The following EML6 variants were observed in gnomAD, a reference collection of about 807,000 sequenced individuals.
EML6 encodes EMAP like 6, also known as echinoderm microtubule-associated protein-like 6.
A neutral mutation model predicts 240.1 loss-of-function variants in EML6; 154 were observed. That is an observed-to-expected ratio of 0.64 (90% CI 0.56 to 0.73). EML6 has a LOEUF of 0.73. EML6 is among the 30% of genes least tolerant of loss of function. EML6 has a pLI of 0.00. For missense variants in EML6, 2,964 were observed against 2,474.6 expected (o/e 1.20, Z -4.20); for synonymous variants, 1,148 against 899.0 (o/e 1.28, Z -4.95).
intron 26 of EML6, among the ~76,000 whole-genome samples, chr2:54,922,473 G>T (rs914426769): frequency 2.0e-5 from 3 of 152,096 alleles, no homozygotes; most frequent in African/African-American, 7.2e-5. Flanking sequence ...CAGTCATTAT[G>T]GAAAACGATA....
Position 54,930,271 on chromosome 2 carries a change from A to C in EML6, c.4004+1520A>C, listed in dbSNP as rs183607972. Among the ~76,000 whole-genome samples, 886 of 152,324 alleles carry C rather than the reference A, an allele frequency of 5.8e-3. 4 individuals are homozygous for C. The highest frequency in any genetic ancestry group is 0.014 in the Middle Eastern group (4 of 294). On this transcript the variant is annotated intron_variant, in intron 28 of 41. Coordinates refer to ENST00000356458, the MANE Select transcript of EML6 (RefSeq NM_001039753.4). ...TCATTTAACCCAAGCTCCAAATTCC[A>C]AACACTACAGCTGATTTCAAACCCT...
chr2:54,923,846 A>G (rs1156524162), intron 26 of EML6, among the ~76,000 whole-genome samples: 3 of 152,014 alleles, frequency 2.0e-5, no homozygotes, highest in Admixed American at 2.0e-4. Flanking sequence ...GTTTTTCACC[A>G]TAAATTTTAC....
Position 54,724,524 on chromosome 2 carries a change from C to T in EML6, c.-513-25C>T, listed in dbSNP as rs1682816140. 1 of 152,144 alleles carries T rather than the reference C, an allele frequency of 6.6e-6. No individual in the cohort carries two copies. The highest frequency in any genetic ancestry group is 2.1e-4 in the South Asian group (1 of 4,828). The allele number at this position is 152,144 out of a possible 1,614,324, so 9.4% of individuals were successfully genotyped here. ...TATGCGAAAAATCTGTTTCTTTCTT[C>T]CTCGCTCTCGCTTCCTGGATATAGA... On this transcript the variant is annotated intron_variant, in intron 1 of 41. Transcript: ENST00000356458. The surrounding 1 kb of genome is among the most constrained non-coding windows in gnomAD (Gnocchi z 5.2).
chr2:54,751,507 A>T (rs1286785007), intron 2 of EML6, among the ~76,000 whole-genome samples: 2 of 152,208 alleles, frequency 1.3e-5, no homozygotes, highest in Non-Finnish European at 2.9e-5. Flanking sequence ...AAAAGAAAAA[A>T]AAATAGGATA....
intron 8 of EML6, 41 bp from the exon 9 acceptor site, chr2:54,847,445 A>G: frequency 1.9e-6 from 3 of 1,539,994 alleles, no homozygotes. Flanking sequence ...TGACCATGGG[A>G]AGTTGGTTTT....
intron 2 of EML6, among the ~76,000 whole-genome samples, chr2:54,773,061 C>T (rs576832081): frequency 1.3e-5 from 2 of 152,308 alleles, no homozygotes; most frequent in Admixed American, 6.5e-5. Context: ...GTCCCAGTTG[C>T]TAAAGAGAGT....
At position 54,959,073 on chromosome 2, in the gene EML6, C is replaced by A. The variant is rs907012688; in HGVS notation, c.4696-31C>A. ...GGGGAGGGACCCGCTTGAGTGTGTT[C>A]CGGGTGTAGAAGATGTTGTTTTGTT... On this transcript the variant is annotated intron_variant, in intron 33 of 41. Coordinates refer to ENST00000356458, the MANE Select transcript of EML6 (RefSeq NM_001039753.4). 35 of 1,534,878 alleles carry A rather than the reference C, an allele frequency of 2.3e-5. No homozygotes were observed. In the African/African-American group the frequency reaches 4.7e-4, roughly 21 times the overall value.
intron 2 of EML6, among the ~76,000 whole-genome samples, chr2:54,811,789 C>G (rs1558569945): frequency 1.3e-5 from 2 of 152,280 alleles, no homozygotes; most frequent in South Asian, 4.1e-4. Flanking sequence ...CCAGGTGTGT[C>G]TCAACAAAAT....
At chr2:54,836,882 C>G (rs911054731) in intron 7 of EML6, among the ~76,000 whole-genome samples, 2 of 152,084 alleles carry the variant, frequency 1.3e-5, no homozygotes, top group African/African-American at 4.8e-5. Context: ...TTCACATTTC[C>G]AAACTCTGTC....
At chr2:54,809,694 TTAAA>T (rs1230791908) in intron 2 of EML6, among the ~76,000 whole-genome samples, 6 of 152,212 alleles carry the variant, frequency 3.9e-5, no homozygotes, top group African/African-American at 4.8e-5. Context: ...ATTTTATTTA[TTAAA>T]TAAATACTTA....
At chr2:54,959,298 G>C (rs1429024430) in intron 34 of EML6, 37 bp downstream of exon 34, 1 of 1,480,044 alleles carries the variant, frequency 6.8e-7, no homozygotes, top group African/African-American at 1.4e-5. Flanking sequence ...CTTGTCGTTT[G>C]TTGTTATCTT....
intron 2 of EML6, among the ~76,000 whole-genome samples, chr2:54,796,129 C>A (rs761058572): frequency 6.6e-6 from 1 of 152,094 alleles, no homozygotes; most frequent in Non-Finnish European, 1.5e-5. Flanking sequence ...AAGTATGATA[C>A]AAAATCCGTC....
At position 54,746,915 on chromosome 2, in the gene EML6, G is replaced by C. The variant is rs770376084; in HGVS notation, c.197+21657G>C. 2.0e-4 allele frequency among the ~76,000 whole-genome samples: 30 copies of C among 152,334 alleles called. 1 individual carries two copies. In the Middle Eastern group the frequency reaches 0.024, roughly 121 times the overall value. On this transcript the variant is annotated intron_variant, in intron 2 of 41. Transcript: ENST00000356458. ...CCATAGATGCCACATCAAGGAAGCA[G>C]TCACTCAGTAGATATCCCAGGAGTG... is the stretch of plus-strand genomic sequence containing the variant.
chr2:54,857,682 G>A (rs906721515), intron 11 of EML6, among the ~76,000 whole-genome samples: 1 of 152,176 alleles, frequency 6.6e-6, no homozygotes, highest in Non-Finnish European at 1.5e-5. Flanking sequence ...TTGCTGTTGT[G>A]GTTTCATTTG....
chr2:54,800,023 G>T (rs1670036572), intron 2 of EML6, among the ~76,000 whole-genome samples: 1 of 152,084 alleles, frequency 6.6e-6, no homozygotes, highest in Admixed American at 6.5e-5. Flanking sequence ...GAGGCAGGTG[G>T]ATCATGAGGT....
intron 28 of EML6, among the ~76,000 whole-genome samples, chr2:54,938,719 C>T (rs1034406361): frequency 2.6e-5 from 4 of 152,234 alleles, no homozygotes; most frequent in African/African-American, 9.6e-5. Context: ...TTCTCTTCAG[C>T]ACAATGTGAT....
chr2:54,949,735 C>T (rs1464629407), intron 29 of EML6, among the ~76,000 whole-genome samples: 4 of 152,200 alleles, frequency 2.6e-5, no homozygotes, highest in East Asian at 3.9e-4. Flanking sequence ...CAAAACCTTA[C>T]CCAGAGCCAC....
At chr2:54,734,933 ATCT>A in intron 2 of EML6, among the ~76,000 whole-genome samples, 1 of 152,250 alleles carries the variant, frequency 6.6e-6, no homozygotes, top group South Asian at 2.1e-4. Flanking sequence ...GTCTATTATG[ATCT>A]TCTCCCTGGC....
At chr2:54,968,084 G>A (rs13033042) in intron 39 of EML6, 44 bp from the exon 40 acceptor site, 40,854 of 1,540,206 alleles carry the variant, frequency 0.027, 630 homozygotes, top group East Asian at 0.056. Context: ...AGGAGCCTTC[G>A]CCGTGACTTC....
Sources: allele counts gnomAD v4.1 joint callset (sites outside exome capture counted in the v4.1 genomes callset), GRCh38; gene constraint gnomAD v4.1.1; non-coding constraint Gnocchi (gnomAD v3.1); transcripts MANE v1.5; gene names NCBI Gene and HGNC (gene_info 2026-07-23, HGNC 2026-07-21).